DROSHA: variants seen among roughly 807,000 people sequenced by gnomAD.
DROSHA encodes drosha ribonuclease III.
A neutral mutation model predicts 181.9 loss-of-function variants in DROSHA; 56 were observed. The observed-to-expected ratio is 0.31, with a 90% CI of 0.25 to 0.38. The LOEUF (loss-of-function observed/expected upper bound fraction) is 0.38, where lower values mean the gene tolerates loss of function less well. DROSHA is among the 10% of genes least tolerant of loss of function. DROSHA has a pLI of 1.00. For missense variants in DROSHA, 1,218 were observed against 1,743.5 expected, an observed-to-expected ratio of 0.70 and a Z score of 5.37; for synonymous variants, 524 against 591.2, an observed-to-expected ratio of 0.89 and a Z score of 1.65.
chr5:31,492,743 T>C (rs77870132), intron 13 of DROSHA, among the ~76,000 whole-genome samples: 2,149 of 152,354 alleles, frequency 0.014, 24 homozygotes, highest in Non-Finnish European at 0.021. Context: ...TGAATCCATA[T>C]GTCAAAGTGT....
chr5:31,495,209 A>G (rs1752833207), intron 12 of DROSHA, 77 bp downstream of exon 12: 2 of 1,428,250 alleles, frequency 1.4e-6, no homozygotes, highest in East Asian at 4.8e-5. Context: ...TGAGAACAGA[A>G]TCAATAACTT....
At chr5:31,509,465 G>A (rs1335326520) in intron 9 of DROSHA, among the ~76,000 whole-genome samples, 1 of 152,166 alleles carries the variant, frequency 6.6e-6, no homozygotes, top group Non-Finnish European at 1.5e-5. Flanking sequence ...CAAAGAAGGA[G>A]CACATGTGAC....
chr5:31,475,296 G>A (rs2150031084), intron 16 of DROSHA, among the ~76,000 whole-genome samples: 1 of 152,212 alleles, frequency 6.6e-6, no homozygotes, highest in Middle Eastern at 3.4e-3. Flanking sequence ...CCAACCTGGA[G>A]AACAAAGTAA....
intron 30 of DROSHA, among the ~76,000 whole-genome samples, chr5:31,419,595 T>C (rs1426683226): frequency 6.6e-6 from 1 of 152,064 alleles, no homozygotes; most frequent in African/African-American, 2.4e-5. Flanking sequence ...AGGGAAAATG[T>C]ACACGGTGAG....
chr5:31,407,605 C>T (rs554011104), intron 33 of DROSHA, among the ~76,000 whole-genome samples: 10 of 152,072 alleles, frequency 6.6e-5, no homozygotes, highest in African/African-American at 1.7e-4. Context: ...TTAAAAGTAG[C>T]CAACAAAGAT....
At chr5:31,527,052 T>C in intron 4 of DROSHA, 140 bp from the exon 5 acceptor site, 1 of 726,516 alleles carries the variant, frequency 1.4e-6, no homozygotes, top group African/African-American at 1.8e-5. Context: ...GGCCACCCAT[T>C]TAATACTGGG....
chr5:31,446,378 T>C (rs35062966), intron 23 of DROSHA, among the ~76,000 whole-genome samples: 27,118 of 137,800 alleles, frequency 0.2, 2,869 homozygotes, highest in East Asian at 0.38. Context: ...ACCCGGGAGG[T>C]AGAGTTTGCA....
chr5:31,514,948 G>C lies in DROSHA; in HGVS notation c.1290+40C>G. 1 of 1,586,378 alleles carries C rather than the reference G, an allele frequency of 6.3e-7. No individual in the cohort carries two copies. Among genetic ancestry groups the C allele is most frequent in the Non-Finnish European group, 8.6e-7 (1 of 1,160,644 alleles). On this transcript the variant is annotated intron_variant, in intron 8 of 35. Transcript: ENST00000344624. This position sits in a 1 kb window ranked among gnomAD's most constrained non-coding sequence, Gnocchi z 4.4. ...CAAAGGCCAATAGTGACAACGCCGA[G>C]AAGCCCTAGTCTACAGCTTGTCTGC... is the stretch of plus-strand genomic sequence containing the variant.
chr5:31,469,257 T>C (rs1749464405), intron 17 of DROSHA, among the ~76,000 whole-genome samples: 1 of 152,104 alleles, frequency 6.6e-6, no homozygotes, highest in Non-Finnish European at 1.5e-5. Context: ...CTCAGGGGGC[T>C]GAGGCAGGAG....
intron 16 of DROSHA, among the ~76,000 whole-genome samples, chr5:31,474,005 A>G (rs1229655826): frequency 1.3e-5 from 2 of 152,162 alleles, no homozygotes; most frequent in Non-Finnish European, 2.9e-5. Flanking sequence ...ATCACTAGGG[A>G]AAAAAATGCC....
rs67311624 is a variant in DROSHA at position 31,493,937 on chromosome 5, TTGTGTGTGTGTGTGTGTGTG to T, written c.1756-664_1756-645del. ...CTTATGCCATTCTTATAACCCACCA[TTGTGTGTGTGTGTGTGTGTG>T]TGTGTGTGTGTGTGTGTGTGTGTGT... On this transcript the variant is annotated intron_variant, in intron 12 of 35. Transcript: ENST00000344624. Among the ~76,000 whole-genome samples the T allele has an allele frequency of 1.0e-4, 15 of 144,822 alleles. No individual in the cohort carries two copies. In the South Asian group the frequency reaches 1.4e-3, roughly 13 times the overall value.
intron 5 of DROSHA, among the ~76,000 whole-genome samples, chr5:31,525,707 C>G (rs965829030): frequency 2.0e-5 from 3 of 152,020 alleles, no homozygotes; most frequent in African/African-American, 7.3e-5. Flanking sequence ...CAAAAAAACT[C>G]AAATGCTATA....
At chr5:31,468,417 T>C (rs1286401492) in intron 17 of DROSHA, among the ~76,000 whole-genome samples, 1 of 152,232 alleles carries the variant, frequency 6.6e-6, no homozygotes, top group Non-Finnish European at 1.5e-5. Flanking sequence ...GCAGAGCCTC[T>C]TCTGCTTTAA....
At chr5:31,501,255 T>C (rs1580316546) in intron 11 of DROSHA, among the ~76,000 whole-genome samples, 1 of 152,066 alleles carries the variant, frequency 6.6e-6, no homozygotes, top group Non-Finnish European at 1.5e-5. Flanking sequence ...GTAGAGAATA[T>C]GAGGCCAAGG....
intron 6 of DROSHA, among the ~76,000 whole-genome samples, chr5:31,516,172 C>T (rs1195994088): frequency 6.6e-6 from 1 of 152,172 alleles, no homozygotes; most frequent in Non-Finnish European, 1.5e-5. Flanking sequence ...GGGAGGATCA[C>T]GTGAGCCTGG....
In DROSHA at chr5:31,526,567, T is replaced by G. The variant is rs1740598902; in HGVS notation, c.366A>C (p.Pro122=). ...PVPPCFPPMP[P]PMPCPNNPPV... is the part of the protein sequence containing the mutation. ...GGGGGTTATTAGGACAAGGCATTGG[T>G]GGTGGCATGGGAGGAAAACAAGGAG... The change falls in exon 5 of 36, where the codon CCA becomes CCC. Residue 122 remains proline, a synonymous_variant. Transcript: ENST00000344624. 3.3e-6 allele frequency: 5 copies of G among 1,524,896 alleles called. No homozygotes were observed. The highest frequency in any genetic ancestry group is 4.4e-6 in the Non-Finnish European group (5 of 1,139,804). 94.5% of individuals were successfully genotyped at this position (1,524,896 alleles called of 1,614,324 possible). A position where few individuals can be genotyped will look rare whatever the true frequency, so the allele number is the denominator to read the frequency against.
rs922205845 is a variant in DROSHA, at chr5:31,457,461, C to T, written c.2575-5821G>A. Among the ~76,000 whole-genome samples the T allele has an allele frequency of 2.0e-5, 3 of 151,844 alleles. No individual in the cohort carries two copies. The East Asian group carries it at 5.8e-4, about 29-fold the overall frequency. On this transcript the variant is annotated intron_variant, in intron 20 of 35. Coordinates refer to ENST00000344624, the MANE Select transcript of DROSHA (RefSeq NM_001382508.1). Reference sequence around the variant, plus strand: ...CATTTTTAAAAGATAGTTACCTGTCCGGGGTGGGTGGCAAGAAAAGGATAC... The same window carrying T: ...CATTTTTAAAAGATAGTTACCTGTCTGGGGTGGGTGGCAAGAAAAGGATAC...
chr5:31,508,261 T>G (rs1031912141), intron 10 of DROSHA, among the ~76,000 whole-genome samples: 1 of 152,238 alleles, frequency 6.6e-6, no homozygotes, highest in African/African-American at 2.4e-5. Flanking sequence ...TTATAGGACT[T>G]ATTTACTATT....
intron 15 of DROSHA, among the ~76,000 whole-genome samples, chr5:31,484,235 G>T (rs376634622): frequency 6.6e-6 from 1 of 151,866 alleles, no homozygotes; most frequent in African/African-American, 2.4e-5. Flanking sequence ...TTAGCCGGGC[G>T]TAGTGGTGGG....
Sources: gnomAD v4.1 joint callset for allele counts (sites outside exome capture counted in the v4.1 genomes callset) on GRCh38, gnomAD v4.1.1 for gene constraint, Gnocchi (gnomAD v3.1) non-coding constraint, MANE v1.5 for transcripts, NCBI Gene and HGNC (gene_info 2026-07-23, HGNC 2026-07-21) for gene names.